Variants in RIF1 observed in about 807,000 individuals in gnomAD.
RIF1 encodes the protein replication timing regulatory factor 1.
A neutral mutation model predicts 247.1 loss-of-function variants in RIF1; 45 were observed. The observed-to-expected ratio is 0.18, with a 90% CI of 0.14 to 0.23. RIF1 has a LOEUF of 0.23. Ranked by LOEUF, RIF1 falls within the 10% of genes least tolerant of loss-of-function variation. The pLI is 1.00. For missense variants in RIF1, 2,967 were observed against 2,862.5 expected (o/e 1.04, Z -0.83); for synonymous variants, 1,087 against 978.8 (o/e 1.11, Z -2.06).
intron 34 of RIF1, among the ~76,000 whole-genome samples, chr2:151,471,237 GT>G (rs1559032369): frequency 6.6e-6 from 1 of 152,038 alleles, no homozygotes; most frequent in Non-Finnish European, 1.5e-5. Context: ...CCGTTTTGAG[GT>G]TGAATAATTC....
chr2:151,411,562 C>A (rs1390429068), intron 3 of RIF1, among the ~76,000 whole-genome samples: 3 of 152,066 alleles, frequency 2.0e-5, no homozygotes, highest in Admixed American at 1.3e-4. Context: ...GCCACCGCCC[C>A]GGCTAATTTT....
the RIF1 span, chr2:151,532,077 ATAC>A: frequency 1.9e-6 from 1 of 520,772 alleles, no homozygotes; most frequent in Non-Finnish European, 3.4e-6. Flanking sequence ...TGAGCAGATG[ATAC>A]TACTACTAAT....
intron 21 of RIF1, among the ~76,000 whole-genome samples, chr2:151,452,813 A>G (rs1225720070): frequency 6.6e-6 from 1 of 152,198 alleles, no homozygotes; most frequent in Non-Finnish European, 1.5e-5. Flanking sequence ...ATTTTGACAT[A>G]ATTTTACCTA....
intron 7 of RIF1, among the ~76,000 whole-genome samples, chr2:151,422,051 C>T (rs900422490): frequency 2.6e-5 from 4 of 151,778 alleles, no homozygotes; most frequent in African/African-American, 4.8e-5. Context: ...AGGCTGGTCT[C>T]GAACTCCTGA....
At chr2:151,526,635 A>G in the RIF1 span, among the ~76,000 whole-genome samples, 56 of 152,318 alleles carry the variant, frequency 3.7e-4, no homozygotes, top group African/African-American at 1.3e-3. Context: ...TGGCGTTTCC[A>G]TAAAGAGTCC....
chr2:151,429,521 A>G (rs1287350973), intron 9 of RIF1, among the ~76,000 whole-genome samples: 2 of 152,162 alleles, frequency 1.3e-5, no homozygotes, highest in Non-Finnish European at 2.9e-5. Flanking sequence ...TGAGTTGAGT[A>G]CTTTATGTAT....
rs1033041605 is a variant in RIF1 at position 151,477,138 on chromosome 2, A to G, written c.*2067A>G. 4 of 152,216 alleles carry G rather than the reference A, an allele frequency of 2.6e-5. No individual in the cohort carries two copies. Among genetic ancestry groups the G allele is most frequent in the South Asian group, 2.1e-4 (1 of 4,834 alleles). The allele number at this position is 152,216 out of a possible 1,614,324, so 9.4% of individuals were successfully genotyped here. A position where few individuals can be genotyped will look rare whatever the true frequency, so the allele number is the denominator to read the frequency against. On this transcript the variant is annotated 3_prime_UTR_variant, in exon 36 of 36. Transcript: ENST00000444746. ...AAGCATGCTAAATCTTCATTTTGCTATGGCTATAAGCATATATTTTTGGCA... is the reference window on the plus strand; with the variant it reads ...AAGCATGCTAAATCTTCATTTTGCTGTGGCTATAAGCATATATTTTTGGCA...
the RIF1 span, among the ~76,000 whole-genome samples, chr2:151,523,950 T>C: frequency 6.6e-6 from 1 of 152,202 alleles, no homozygotes; most frequent in Non-Finnish European, 1.5e-5. Context: ...TTGCTCTTCA[T>C]GTTAAATCTA....
At chr2:151,484,352 T>G (rs375014139), downstream of RIF1, among the ~76,000 whole-genome samples, 2 of 152,272 alleles carry the variant, frequency 1.3e-5, no homozygotes, top group East Asian at 1.9e-4. Context: ...TCCCAGCACT[T>G]TGGGAGGCTG....
chr2:151,458,740 T>C, intron 24 of RIF1, 71 bp from the exon 25 acceptor site: 1 of 741,036 alleles, frequency 1.3e-6, no homozygotes, highest in South Asian at 2.2e-5. Context: ...TAAAGTGCTG[T>C]TGTTAACAGA....
chr2:151,454,770 G>T, intron 21 of RIF1, 125 bp from the exon 22 acceptor site: 1 of 631,958 alleles, frequency 1.6e-6, no homozygotes, highest in Non-Finnish European at 2.6e-6. Context: ...TGGGGTGTCA[G>T]TCAGCAAACG....
In RIF1 at chr2:151,463,598, G is replaced by A; in HGVS notation, c.4078G>A (p.Ala1360Thr). ...MEHDNTKLKA[A>T]TVENAVLLET... ...GCATGACAATACAAAGCTTAAAGCA[G>A]CAACAGTGGAAAATGCTGTATTATT... The change falls in exon 30 of 36, where the codon GCA (alanine) becomes ACA (threonine). Residue 1360 changes from alanine (A) to threonine (T), a missense_variant. Coordinates refer to ENST00000444746, the MANE Select transcript of RIF1 (RefSeq NM_018151.5). 1.2e-6 allele frequency: 2 copies of A among 1,613,676 alleles called. No homozygotes were observed. Among genetic ancestry groups the A allele is most frequent in the Non-Finnish European group, 1.7e-6 (2 of 1,179,866 alleles).
chr2:151,502,261 T>C lies in RIF1; in HGVS notation c.*710-773T>C, dbSNP rs561613991. 4.6e-5 allele frequency among the ~76,000 whole-genome samples: 7 copies of C among 152,218 alleles called. No homozygotes were observed. In the South Asian group the frequency reaches 8.3e-4, roughly 18 times the overall value. The stretch of plus-strand genomic sequence containing the variant: ...GCGAGGGAATAAAACACTACAAATA[T>C]GGTGCAGTGTATACTGCTTGGGTGA... On this transcript the variant is annotated intron_variant and NMD_transcript_variant, in intron 11 of 13. Transcript: ENST00000454583.
At chr2:151,527,479 A>G in the RIF1 span, 2 of 1,609,072 alleles carry the variant, frequency 1.2e-6, no homozygotes, top group East Asian at 2.2e-5. Context: ...CTCCTGTCTT[A>G]CATCGCTTTG....
intron 34 of RIF1, among the ~76,000 whole-genome samples, chr2:151,470,319 G>T (rs1471465317): frequency 2.0e-5 from 3 of 152,040 alleles, no homozygotes; most frequent in Admixed American, 6.6e-5. Flanking sequence ...AGAAAATTTT[G>T]TATATAATTT....
rs1244900580 is a variant in RIF1, at chr2:151,496,257, T to C, written c.*513+931T>C. On this transcript the variant is annotated intron_variant and NMD_transcript_variant, in intron 10 of 13. Coordinates refer to the RIF1 transcript ENST00000454583. ...TTTTTAAAATCAGTAAGTAGTTTTT[T>C]TCTTTTCTCGCCAAGTACCGAGCTA... The C allele has an allele frequency of 1.9e-6, 3 of 1,570,988 alleles. No homozygotes were observed. The highest frequency in any genetic ancestry group is 2.6e-6 in the Non-Finnish European group (3 of 1,148,356).
At chr2:151,516,161 T>C in the RIF1 span, among the ~76,000 whole-genome samples, 1 of 152,182 alleles carries the variant, frequency 6.6e-6, no homozygotes, top group Non-Finnish European at 1.5e-5. Context: ...TTTTCATTCA[T>C]AAAGGAAAAT....
At chr2:151,457,220 C>T (rs1159710800) in intron 23 of RIF1, among the ~76,000 whole-genome samples, 1 of 152,062 alleles carries the variant, frequency 6.6e-6, no homozygotes, top group Non-Finnish European at 1.5e-5. Flanking sequence ...CTCCTGGGCT[C>T]AAGGTGATTC....
chr2:151,419,220 A>T (rs1451657819), intron 6 of RIF1, among the ~76,000 whole-genome samples: 2 of 151,886 alleles, frequency 1.3e-5, no homozygotes, highest in Non-Finnish European at 1.5e-5. Context: ...TACAAGTAGG[A>T]GTAAACTCTA....
Sources: allele counts gnomAD v4.1 joint callset (sites outside exome capture counted in the v4.1 genomes callset), GRCh38; gene constraint gnomAD v4.1.1; transcripts MANE v1.5; gene names NCBI Gene and HGNC (gene_info 2026-07-23, HGNC 2026-07-21).